KIZ: variants seen among roughly 807,000 people sequenced by gnomAD.
KIZ encodes the protein centrosomal protein kizuna.
KIZ carries 68 observed loss-of-function variants against 79.6 expected under a neutral mutation model. That is an observed-to-expected ratio of 0.85 (90% confidence interval 0.70 to 1.05). The LOEUF is 1.05. Among genes scored for constraint, KIZ ranks in the 50% least tolerant of loss-of-function variants. KIZ has a pLI of 0.00. For missense variants in KIZ, 797 were observed against 800.4 expected (o/e 1.00, Z 0.05); for synonymous variants, 280 against 281.8 (o/e 0.99, Z 0.06).
chr20:21,173,282 A>G (rs1332771088), intron 6 of KIZ, among the ~76,000 whole-genome samples: 1 of 152,152 alleles, frequency 6.6e-6, no homozygotes, highest in Non-Finnish European at 1.5e-5. Flanking sequence ...TTTATATAAA[A>G]GAACCAGCTG....
chr20:21,166,433 T>C, intron 6 of KIZ: 1 of 1,593,212 alleles, frequency 6.3e-7, no homozygotes, highest in Non-Finnish European at 8.6e-7. Flanking sequence ...AGCTCTGTGG[T>C]CATCAATGAT....
Position 21,174,055 on chromosome 20 carries a change from G to C in KIZ, c.1352+10896G>C, listed in dbSNP as rs535859139. Among the ~76,000 whole-genome samples, 127 of 152,298 alleles carry C rather than the reference G, an allele frequency of 8.3e-4. 3 individuals carry two copies. Among genetic ancestry groups the C allele is most frequent in the Middle Eastern group, 6.8e-3 (2 of 294 alleles). ...GAACGAGGAGAACCAGGAGGGTGTT[G>C]TGCTGCAGGTGCCAAGTAGAATGTT... On this transcript the variant is annotated intron_variant, in intron 6 of 12. Coordinates refer to ENST00000619189, the MANE Select transcript of KIZ (RefSeq NM_018474.6).
chr20:21,173,894 T>A (rs1243367907), intron 6 of KIZ, among the ~76,000 whole-genome samples: 12 of 152,116 alleles, frequency 7.9e-5, no homozygotes, highest in Admixed American at 7.9e-4. Flanking sequence ...TATAAATACA[T>A]TTTAAAGCCA....
intron 4 of KIZ, among the ~76,000 whole-genome samples, chr20:21,158,205 GAC>G (rs1310468749): frequency 2.6e-5 from 4 of 152,294 alleles, no homozygotes; most frequent in South Asian, 2.1e-4. Flanking sequence ...AGGAATAGAA[GAC>G]ACAGTATATT....
At chr20:21,144,305 G>C (rs2032731830) in intron 3 of KIZ, 1 of 152,090 alleles carries the variant, frequency 6.6e-6, no homozygotes. Context: ...TATTTAACCT[G>C]TAATTATATG....
intron 1 of KIZ, among the ~76,000 whole-genome samples, chr20:21,127,020 A>T (rs890787991): frequency 6.6e-6 from 1 of 152,232 alleles, no homozygotes; most frequent in African/African-American, 2.4e-5. Context: ...AAAAGTTACA[A>T]AATCATTCTA....
chr20:21,205,331 A>G (rs190589383), intron 6 of KIZ, among the ~76,000 whole-genome samples, 160 bp from the exon 7 acceptor site: 29 of 152,322 alleles, frequency 1.9e-4, no homozygotes, highest in Admixed American at 9.8e-4. Context: ...AAAAGTTTAA[A>G]AAAAAGGATA....
intron 3 of KIZ, among the ~76,000 whole-genome samples, chr20:21,141,522 C>T (rs557236598): frequency 8.6e-5 from 13 of 151,684 alleles, no homozygotes; most frequent in Admixed American, 2.0e-4. Context: ...GCCTTAGGCA[C>T]GGAGCCCCAG....
intron 3 of KIZ, chr20:21,138,840 G>A (rs1411193015): frequency 6.6e-6 from 1 of 151,616 alleles, no homozygotes; most frequent in African/African-American, 2.4e-5. Context: ...TATGAAAAGT[G>A]GTGATTTTCT....
intron 7 of KIZ, among the ~76,000 whole-genome samples, chr20:21,208,389 T>C (rs545642421): frequency 9.2e-5 from 14 of 152,336 alleles, no homozygotes; most frequent in African/African-American, 3.4e-4. Context: ...ACCAATAGAT[T>C]AATGACAAAA....
chr20:21,167,631 G>A (rs867568689), intron 6 of KIZ, among the ~76,000 whole-genome samples: 2 of 138,480 alleles, frequency 1.4e-5, no homozygotes, highest in African/African-American at 5.3e-5. Context: ...GCACGATCTC[G>A]GCTCACTGCA....
intron 2 of KIZ, among the ~76,000 whole-genome samples, chr20:21,135,053 A>G (rs2032106827): frequency 6.6e-6 from 1 of 152,106 alleles, no homozygotes; most frequent in Admixed American, 6.6e-5. Context: ...GGTGTGTAGA[A>G]GTCCTTTTTA....
chr20:21,162,888 T>C lies in KIZ; in HGVS notation c.1081T>C (p.Phe361Leu), dbSNP rs879183042. Residue 361 changes from phenylalanine to leucine, a missense_variant, in exon 6 of 13, where the codon TTC becomes CTC. Coordinates refer to ENST00000619189, the MANE Select transcript of KIZ (RefSeq NM_018474.6). The part of the protein sequence containing the change: ...AHREPKSQKP[F>L]RKMQEEEEES... ...CAGGGAACCAAAGTCACAAAAGCCC[T>C]TCAGAAAAATGCAGGAAGAGGAGGA... 6.2e-7 allele frequency: 1 copy of C among 1,613,394 alleles called. No homozygotes were observed. The highest frequency in any genetic ancestry group is 1.7e-5 in the Admixed American group (1 of 59,936).
At chr20:21,152,079 A>G (rs958394862) in intron 4 of KIZ, among the ~76,000 whole-genome samples, 2 of 152,148 alleles carry the variant, frequency 1.3e-5, no homozygotes, top group Non-Finnish European at 2.9e-5. Flanking sequence ...AGTTGCTTAC[A>G]ACATGCTCTC....
intron 6 of KIZ, chr20:21,198,289 C>G (rs569857137): frequency 1.3e-5 from 2 of 152,414 alleles, no homozygotes; most frequent in Middle Eastern, 3.4e-3. Context: ...GTCTCGATCT[C>G]CTGACCTCGT....
chr20:21,195,337 A>G (rs1334286067), intron 6 of KIZ: 1 of 152,270 alleles, frequency 6.6e-6, no homozygotes, highest in Admixed American at 6.5e-5. Context: ...AAGTAGGTGC[A>G]TTCTATGGAA....
intron 6 of KIZ, among the ~76,000 whole-genome samples, chr20:21,202,107 C>G (rs528293718): frequency 1.8e-4 from 27 of 152,066 alleles, no homozygotes; most frequent in Non-Finnish European, 3.5e-4. Context: ...ATGCTAGGAC[C>G]CAAAGGATAG....
intron 3 of KIZ, among the ~76,000 whole-genome samples, chr20:21,141,891 T>C (rs1309491688): frequency 1.3e-5 from 2 of 150,650 alleles, no homozygotes. Context: ...GTGCACATTT[T>C]TTCTCCTCAT....
chr20:21,215,553 C>CTT, intron 8 of KIZ, 30 bp from the exon 9 acceptor site: 3 of 1,369,858 alleles, frequency 2.2e-6, no homozygotes, highest in Non-Finnish European at 3.1e-6. Context: ...CTTTGAAATA[C>CTT]TTTTTTTTTA....
Sources: gnomAD v4.1 joint callset for allele counts (sites outside exome capture counted in the v4.1 genomes callset) on GRCh38, gnomAD v4.1.1 for gene constraint, MANE v1.5 for transcripts, NCBI Gene and HGNC (gene_info 2026-07-23, HGNC 2026-07-21) for gene names.